The following SKOR2 variants were observed in gnomAD, a reference collection of about 807,000 sequenced individuals.
The protein encoded by SKOR2 is SKI family transcriptional corepressor 2, also known as LBX1 corepressor 1-like protein.
A neutral mutation model predicts 69.1 loss-of-function variants in SKOR2; 47 were observed. That is an observed-to-expected ratio of 0.68 (90% confidence interval 0.54 to 0.87). The LOEUF (loss-of-function observed/expected upper bound fraction) is 0.87. SKOR2 is among the 40% of genes least tolerant of loss of function. The pLI is 0.00. For synonymous variants in SKOR2, 717 were observed against 672.6 expected (o/e 1.07, Z -1.02); for missense variants, 1,404 against 1,472.2 (o/e 0.95, Z 0.76).
intron 6 of SKOR2, among the ~76,000 whole-genome samples, chr18:47,226,389 A>G (rs777472058): frequency 3.9e-5 from 6 of 152,198 alleles, no homozygotes; most frequent in Non-Finnish European, 5.9e-5. Flanking sequence ...CCAACTGAAC[A>G]TGATTTTCAT....
intron 3 of SKOR2, 21 bp downstream of exon 3, chr18:47,245,477 G>GTTTTTTTTTTTTTTTTTTTTT (rs762834867): frequency 7.7e-6 from 4 of 517,742 alleles, no homozygotes; most frequent in African/African-American, 7.2e-5. Flanking sequence ...AGTGGCAGCT[G>GTTTTTTTTTTTTTTTTTTTTT]ATTTTTTTTT....
intron 7 of SKOR2, among the ~76,000 whole-genome samples, chr18:47,219,261 G>A (rs185083518): frequency 5.8e-4 from 88 of 152,272 alleles, no homozygotes; most frequent in African/African-American, 1.7e-3. Context: ...ACAAAAATGA[G>A]GAGGCTTGGG....
intron 6 of SKOR2, among the ~76,000 whole-genome samples, chr18:47,229,231 T>C (rs2064188755): frequency 6.6e-6 from 1 of 152,218 alleles, no homozygotes; most frequent in African/African-American, 2.4e-5. Flanking sequence ...CAGATGCTGA[T>C]ACAGGAATCA....
intron 6 of SKOR2, among the ~76,000 whole-genome samples, chr18:47,220,636 A>C (rs2064158507): frequency 6.6e-6 from 1 of 152,156 alleles, no homozygotes; most frequent in Admixed American, 6.5e-5. Context: ...GAACTTTAAG[A>C]GATATTGTCA....
Position 47,248,077 on chromosome 18 carries a change from A to G in SKOR2, c.1107T>C (p.Gly369=), listed in dbSNP as rs2064290341. The G allele has an allele frequency of 7.2e-7, 1 of 1,386,852 alleles. No homozygotes were observed. Among genetic ancestry groups the G allele is most frequent in the South Asian group, 1.6e-5 (1 of 63,026 alleles). The allele number at this position is 1,386,852 out of a possible 1,614,324, so 85.9% of individuals were successfully genotyped here. Residue 369 remains glycine (G), a synonymous_variant, in exon 2 of 9, where the codon GGT becomes GGC. Coordinates refer to ENST00000425639, the MANE Select transcript of SKOR2 (RefSeq NM_001278063.4). This position sits in a 1 kb window ranked among gnomAD's most constrained non-coding sequence, Gnocchi z 6.4. ...GCGGGCCTTTGGCCCCTGCCCCGGC[A>G]CCCGCCCCCGCGCCCGCGCCCACGC... is the stretch of plus-strand genomic sequence containing the variant. ...GVGVGAGAGA[G]AGAGAKGPRS...
At chr18:47,245,700 T>A in intron 2 of SKOR2, 139 bp from the exon 3 acceptor site, 2 of 701,846 alleles carry the variant, frequency 2.8e-6, no homozygotes, top group Non-Finnish European at 4.4e-6. Flanking sequence ...GATTATTCTT[T>A]GAATACTTTT....
At chr18:47,223,903 CTTT>C (rs35581562) in intron 6 of SKOR2, among the ~76,000 whole-genome samples, 3 of 146,134 alleles carry the variant, frequency 2.1e-5, no homozygotes, top group African/African-American at 7.5e-5. Context: ...TTTCTATGTT[CTTT>C]TTTTTTTTTT....
Position 47,246,739 on chromosome 18 carries a change from G to A in SKOR2, c.2445C>T (p.Asn815=), listed in dbSNP as rs1035574863. 1.4e-6 allele frequency: 2 copies of A among 1,419,244 alleles called. No homozygotes were observed. Among genetic ancestry groups the A allele is most frequent in the Non-Finnish European group, 9.1e-7 (1 of 1,098,282 alleles). 87.9% of individuals were successfully genotyped at this position (1,419,244 alleles called of 1,614,324 possible). The change falls in exon 2 of 9, where the codon AAC becomes AAT. Residue 815 remains asparagine (N), a synonymous_variant. Coordinates refer to ENST00000425639, the MANE Select transcript of SKOR2 (RefSeq NM_001278063.4). The stretch of plus-strand genomic sequence containing the variant: ...CGTCTTCCTGCAGCAGCCTGGAGGA[G>A]TTCAGGCCGAGCGGGAACGCGCCCG... ...AVAGAFPLGL[N]SSRLLQEDGK...
rs568565349 is a variant in SKOR2 at position 47,247,178 on chromosome 18, G to GGGTGGTGGTGGT, written c.1994_2005dup (p.His665_His668dup). On this transcript the variant is annotated inframe_insertion, in exon 2 of 9. Coordinates refer to ENST00000425639, the MANE Select transcript of SKOR2 (RefSeq NM_001278063.4). This position sits in a 1 kb window ranked among gnomAD's most constrained non-coding sequence, Gnocchi z 6.6. ...CAGAAGCGGCGACGGCGGCTGCGGGGGGTGGTGGTGGTGGTGGTGGTGGTG... is the reference window on the plus strand; with the variant it reads ...CAGAAGCGGCGACGGCGGCTGCGGGGGGTGGTGGTGGTGGTGGTGGTGGTGGTGGTGGTGGTG... The GGGTGGTGGTGGT allele has an allele frequency of 1.6e-6, 2 of 1,253,000 alleles. No individual in the cohort carries two copies. The highest frequency in any genetic ancestry group is 3.2e-5 in the African/African-American group (2 of 62,454). 77.6% of individuals were successfully genotyped at this position (1,253,000 alleles called of 1,614,324 possible).
chr18:47,231,420 GAGGC>G (rs1432258455), intron 4 of SKOR2, among the ~76,000 whole-genome samples: 1 of 152,178 alleles, frequency 6.6e-6, no homozygotes, highest in East Asian at 1.9e-4. Context: ...CTCAAGACTA[GAGGC>G]AGGTGCCCAG....
At chr18:47,239,360 A>G (rs1245738330) in intron 4 of SKOR2, among the ~76,000 whole-genome samples, 2 of 152,212 alleles carry the variant, frequency 1.3e-5, no homozygotes, top group East Asian at 1.9e-4. Flanking sequence ...AAAAAAATCA[A>G]TATCACTGGA....
intron 6 of SKOR2, among the ~76,000 whole-genome samples, chr18:47,227,326 ATTTTTTTTTTTTTT>A (rs778462203): frequency 1.3e-3 from 119 of 91,142 alleles, no homozygotes; most frequent in African/African-American, 5.7e-3. Flanking sequence ...CAAGAAGCCA[ATTTTTTTTTTTTTT>A]TTTTTTTTTT....
intron 8 of SKOR2, among the ~76,000 whole-genome samples, chr18:47,208,514 G>A (rs1423783168): frequency 6.6e-6 from 1 of 152,206 alleles, no homozygotes; most frequent in Non-Finnish European, 1.5e-5. Context: ...AGGTGTGGGT[G>A]TTTCAACCAG....
intron 1 of SKOR2, among the ~76,000 whole-genome samples, chr18:47,249,870 T>G (rs1402605646): frequency 6.6e-6 from 1 of 152,170 alleles, no homozygotes; most frequent in Non-Finnish European, 1.5e-5. Context: ...AGGTGAAAAA[T>G]GTACAAAGTC....
In SKOR2 at chr18:47,246,562, G is replaced by C. The variant is rs1311154036; in HGVS notation, c.2613+9C>G. On this transcript the variant is annotated intron_variant, in intron 2 of 8. Coordinates refer to ENST00000425639, the MANE Select transcript of SKOR2 (RefSeq NM_001278063.4). Reference sequence around the variant, plus strand: ...AATTAGCTTGAAGGAGCCTAAAGGGGATATTTACATCTTTGTAGGAGGGCT... The same window carrying C: ...AATTAGCTTGAAGGAGCCTAAAGGGCATATTTACATCTTTGTAGGAGGGCT... 2.6e-6 allele frequency: 4 copies of C among 1,511,162 alleles called. No individual in the cohort carries two copies. Among genetic ancestry groups the C allele is most frequent in the Non-Finnish European group, 3.5e-6 (4 of 1,137,496 alleles). The allele number at this position is 1,511,162 out of a possible 1,614,324, so 93.6% of individuals were successfully genotyped here.
chr18:47,233,341 T>C (rs1394549303), intron 4 of SKOR2, among the ~76,000 whole-genome samples: 1 of 152,168 alleles, frequency 6.6e-6, no homozygotes, highest in Non-Finnish European at 1.5e-5. Context: ...GCATTTTAAA[T>C]ATAGACCTCA....
chr18:47,239,862 G>GTACATTAA (rs1286244211), intron 4 of SKOR2, among the ~76,000 whole-genome samples: 1 of 151,958 alleles, frequency 6.6e-6, no homozygotes, highest in African/African-American at 2.4e-5. Flanking sequence ...AATTTTATAG[G>GTACATTAA]TACATTAACT....
intron 4 of SKOR2, among the ~76,000 whole-genome samples, chr18:47,241,832 G>C (rs1470070891): frequency 6.6e-6 from 1 of 152,116 alleles, no homozygotes; most frequent in Non-Finnish European, 1.5e-5. Flanking sequence ...AGAATAATGT[G>C]AGAATGAAAC....
intron 8 of SKOR2, among the ~76,000 whole-genome samples, chr18:47,211,137 A>T (rs572917678): frequency 6.6e-6 from 1 of 152,306 alleles, no homozygotes; most frequent in Non-Finnish European, 1.5e-5. Flanking sequence ...GAAGGAACAA[A>T]AGGAACCATG....
Sources: allele counts gnomAD v4.1 joint callset (sites outside exome capture counted in the v4.1 genomes callset), GRCh38; gene constraint gnomAD v4.1.1; non-coding constraint Gnocchi (gnomAD v3.1); transcripts MANE v1.5; gene names NCBI Gene and HGNC (gene_info 2026-07-23, HGNC 2026-07-21).